Variants in RANBP2 observed in about 807,000 individuals in gnomAD.
The protein encoded by RANBP2 is E3 SUMO-protein ligase RanBP2.
RANBP2 carries 57 observed loss-of-function variants against 303.6 expected under a neutral mutation model. The ratio of observed to expected loss-of-function variants is 0.19; its 90% CI spans 0.15 to 0.23. The LOEUF (loss-of-function observed/expected upper bound fraction) is 0.23, where lower values mean the gene tolerates loss of function less well. Among genes scored for constraint, RANBP2 ranks in the 10% least tolerant of loss-of-function variants. The pLI, the probability that RANBP2 is intolerant of heterozygous loss-of-function variation, is 1.00. For synonymous variants in RANBP2, 1,167 were observed against 1,301.5 expected, an observed-to-expected ratio of 0.90 and a Z score of 2.23; for missense variants, 3,138 against 3,780.8, an observed-to-expected ratio of 0.83 and a Z score of 4.46.
chr2:109,713,246 G>A, the RANBP2 span, among the ~76,000 whole-genome samples: 72 of 152,236 alleles, frequency 4.7e-4, 1 homozygote, highest in Non-Finnish European at 7.5e-4. Flanking sequence ...ACCCAGTTAC[G>A]AATCTCCAGG....
the RANBP2 span, among the ~76,000 whole-genome samples, chr2:109,713,590 G>T: frequency 1.3e-5 from 2 of 152,208 alleles, no homozygotes; most frequent in Non-Finnish European, 2.9e-5. Context: ...TGTTTGGTAA[G>T]CTGTGAGAAT....
At position 108,775,829 on chromosome 2, in the gene RANBP2, A is replaced by T; in HGVS notation, c.8390A>T (p.Asp2797Val). 1 of 1,613,868 alleles carries T rather than the reference A, an allele frequency of 6.2e-7. No homozygotes were observed. Among genetic ancestry groups the T allele is most frequent in the Non-Finnish European group, 8.5e-7 (1 of 1,179,938 alleles). ...VPSFCKSEEP[D>V]SITKSISSPS... ...TCTTTCTGTAAATCTGAAGAACCTG[A>T]TTCTATTACCAAATCCATTAGTTCA... Residue 2797 changes from aspartate (D) to valine (V), a missense_variant, in exon 24 of 29, where the codon GAT becomes GTT. By Grantham distance (152) the Asp-to-Val change is radical (BLOSUM62 -3). Around this residue, in one of 20 missense-constraint regions of RANBP2, gnomAD observed 497 missense variants for 465.8 expected, o/e 1.07. Transcript: ENST00000283195.
At chr2:109,513,484 C>CCACATGTACACA in the RANBP2 span, among the ~76,000 whole-genome samples, 16,145 of 147,948 alleles carry the variant, frequency 0.11, 933 homozygotes, top group East Asian at 0.21. Context: ...TGTACACACA[C>CCACATGTACACA]CACATGTACA....
chr2:109,108,779 C>T, the RANBP2 span, among the ~76,000 whole-genome samples: 1 of 152,198 alleles, frequency 6.6e-6, no homozygotes, highest in Non-Finnish European at 1.5e-5. Context: ...CCCCCAAAGC[C>T]CCTGTGGCGC....
At chr2:109,597,319 GCT>G in the RANBP2 span, among the ~76,000 whole-genome samples, 15 of 152,194 alleles carry the variant, frequency 9.9e-5, no homozygotes, top group Non-Finnish European at 1.5e-5. Context: ...GGCAAACAGA[GCT>G]CTGTGTAGGG....
At chr2:109,565,811 C>T in the RANBP2 span, 315 of 1,613,896 alleles carry the variant, frequency 2.0e-4, no homozygotes, top group Non-Finnish European at 2.4e-4. Context: ...ATCTTGTTTC[C>T]GACTTTTACC....
chr2:108,818,808 G>A, the RANBP2 span, among the ~76,000 whole-genome samples: 2 of 150,494 alleles, frequency 1.3e-5, no homozygotes, highest in African/African-American at 4.9e-5. Flanking sequence ...AATTACCTTT[G>A]GAAACTTCTG....
the RANBP2 span, among the ~76,000 whole-genome samples, chr2:108,816,776 GC>G: frequency 6.6e-6 from 1 of 152,140 alleles, no homozygotes; most frequent in Non-Finnish European, 1.5e-5. Flanking sequence ...GCTTACTGCA[GC>G]CTCCAAACTC....
the RANBP2 span, among the ~76,000 whole-genome samples, chr2:109,471,498 T>G: frequency 1.3e-5 from 2 of 152,108 alleles, no homozygotes; most frequent in Admixed American, 1.3e-4. Context: ...TCCCTCCAGG[T>G]CCCTCTTTGA....
At chr2:109,092,653 G>A in the RANBP2 span, among the ~76,000 whole-genome samples, 1 of 152,118 alleles carries the variant, frequency 6.6e-6, no homozygotes, top group African/African-American at 2.4e-5. Flanking sequence ...ACAGAGAAAG[G>A]GAACCTGGAA....
chr2:109,362,753 T>C, the RANBP2 span, among the ~76,000 whole-genome samples: 1 of 152,214 alleles, frequency 6.6e-6, no homozygotes, highest in Non-Finnish European at 1.5e-5. Context: ...GACACTGTTG[T>C]TAGGTGCGTG....
the RANBP2 span, among the ~76,000 whole-genome samples, chr2:108,979,081 A>G: frequency 6.6e-6 from 1 of 152,220 alleles, no homozygotes; most frequent in Non-Finnish European, 1.5e-5. Flanking sequence ...AGTGTTGTGG[A>G]AAACCAGATT....
chr2:108,762,285 A>G lies in RANBP2; in HGVS notation c.2697+90A>G, dbSNP rs1262369454. The G allele has an allele frequency of 1.3e-5, 17 of 1,307,070 alleles. No homozygotes were observed. In the African/African-American group the frequency reaches 2.4e-4, roughly 18 times the overall value. 81.0% of individuals were successfully genotyped at this position (1,307,070 alleles called of 1,614,324 possible). On this transcript the variant is annotated intron_variant, in intron 19 of 28. Transcript: ENST00000283195. Reference sequence around the variant, plus strand: ...AATAAATTCAAGAGAGCAGTTCACTATTAAAACTTTTATGTCCCTTAAAAT... The same window carrying G: ...AATAAATTCAAGAGAGCAGTTCACTGTTAAAACTTTTATGTCCCTTAAAAT...
chr2:109,550,494 A>G, the RANBP2 span, among the ~76,000 whole-genome samples: 4 of 151,620 alleles, frequency 2.6e-5, no homozygotes, highest in Non-Finnish European at 5.9e-5. Flanking sequence ...TTGTATTTTT[A>G]GTAGAGATGG....
the RANBP2 span, among the ~76,000 whole-genome samples, chr2:109,172,335 G>A: frequency 1.3e-5 from 2 of 152,192 alleles, no homozygotes; most frequent in Non-Finnish European, 1.5e-5. Context: ...GGAAATGCGC[G>A]AGCCAGCGGT....
chr2:109,354,682 G>GCC, the RANBP2 span, among the ~76,000 whole-genome samples: 1 of 152,260 alleles, frequency 6.6e-6, no homozygotes, highest in Non-Finnish European at 1.5e-5. Flanking sequence ...TGCTCCGCCA[G>GCC]CCACCTCCAG....
At chr2:109,145,810 A>G in the RANBP2 span, among the ~76,000 whole-genome samples, 4 of 152,172 alleles carry the variant, frequency 2.6e-5, no homozygotes, top group African/African-American at 9.7e-5. Flanking sequence ...TCAGGGGTGT[A>G]GTGGCCAGTG....
the RANBP2 span, among the ~76,000 whole-genome samples, chr2:109,091,210 A>G: frequency 1.4e-4 from 21 of 152,288 alleles, no homozygotes; most frequent in Middle Eastern, 3.4e-3. Flanking sequence ...AGCCTGGACA[A>G]CAGAGCAAGA....
intron 7 of RANBP2, among the ~76,000 whole-genome samples, chr2:108,742,949 C>T (rs573590622): frequency 7.6e-4 from 115 of 151,692 alleles, no homozygotes; most frequent in South Asian, 1.7e-3. Flanking sequence ...CCACCACGCC[C>T]AGCTAATTTT....
Sources: gnomAD v4.1 joint callset for allele counts (sites outside exome capture counted in the v4.1 genomes callset) on GRCh38, gnomAD v4.1.1 for gene constraint, gnomAD v4.1.1 regional missense constraint, MANE v1.5 for transcripts, NCBI Gene and HGNC (gene_info 2026-07-23, HGNC 2026-07-21) for gene names.